The following PDE12 variants were observed in gnomAD, a reference collection of about 807,000 sequenced individuals.
PDE12 encodes the protein 2',5'-phosphodiesterase 12.
A neutral mutation model predicts 45.4 loss-of-function variants in PDE12; 26 were observed. That is an observed-to-expected ratio of 0.57 (90% CI 0.42 to 0.79). The LOEUF (loss-of-function observed/expected upper bound fraction) is 0.79. Among genes scored for constraint, PDE12 ranks in the 30% least tolerant of loss-of-function variants. The pLI is 0.00. For missense variants in PDE12, 668 were observed against 790.0 expected (o/e 0.85, Z 1.85); for synonymous variants, 283 against 323.9 (o/e 0.87, Z 1.36).
At position 57,560,861 on chromosome 3, in the gene PDE12, T is replaced by C. The variant is rs1434844789; in HGVS notation, c.*857T>C. On this transcript the variant is annotated 3_prime_UTR_variant, in exon 3 of 3. Coordinates refer to ENST00000311180, the MANE Select transcript of PDE12 (RefSeq NM_177966.7). ...AAGGAGTAACATTAGGGTCTACCTC[T>C]ACCTCAATTTAGTTAGCGATTTACT... The C allele has an allele frequency of 3.0e-6, 3 of 985,406 alleles. No homozygotes were observed. In the East Asian group the frequency reaches 3.4e-4, roughly 112 times the overall value. The allele number at this position is 985,406 out of a possible 1,614,324, so 61.0% of individuals were successfully genotyped here.
the PDE12 span, chr3:57,634,434 C>CA: frequency 9.9e-3 from 2,753 of 279,412 alleles, no homozygotes; most frequent in Non-Finnish European, 0.012. Flanking sequence ...CTCTGTCTCC[C>CA]AAAAAAAAAA....
the PDE12 span, among the ~76,000 whole-genome samples, chr3:57,620,159 T>C: frequency 6.6e-6 from 1 of 150,476 alleles, no homozygotes; most frequent in Non-Finnish European, 1.5e-5. Flanking sequence ...GAGATGGAGG[T>C]TGCAGTGAGC....
the PDE12 span, among the ~76,000 whole-genome samples, chr3:57,614,546 T>TTTG: frequency 2.1e-5 from 1 of 47,054 alleles, no homozygotes. Context: ...TGTTTTTTGT[T>TTTG]TTTTTTTTTT....
chr3:57,578,135 G>A, the PDE12 span, among the ~76,000 whole-genome samples: 4 of 152,098 alleles, frequency 2.6e-5, no homozygotes, highest in Admixed American at 6.6e-5. Flanking sequence ...TAAAAGGGGG[G>A]TGGGATAGCG....
At chr3:57,652,599 T>C in the PDE12 span, among the ~76,000 whole-genome samples, 1 of 152,206 alleles carries the variant, frequency 6.6e-6, no homozygotes, top group East Asian at 1.9e-4. Context: ...AAATAACATA[T>C]ATAGTTTCAA....
chr3:57,572,108 C>G, the PDE12 span: 1 of 843,770 alleles, frequency 1.2e-6, no homozygotes, highest in East Asian at 2.5e-5. Flanking sequence ...TCTGCCCAAA[C>G]CAGTCCCAGA....
chr3:57,632,788 T>G, the PDE12 span, among the ~76,000 whole-genome samples: 1 of 152,154 alleles, frequency 6.6e-6, no homozygotes, highest in Non-Finnish European at 1.5e-5. Context: ...AATATTTGAG[T>G]GCTACCATAT....
chr3:57,601,911 AT>A, the PDE12 span, among the ~76,000 whole-genome samples: 3,082 of 138,396 alleles, frequency 0.022, 41 homozygotes, highest in Non-Finnish European at 0.027. Context: ...CACCCGGCTA[AT>A]TTTTTTTTTT....
chr3:57,605,880 A>C, the PDE12 span, among the ~76,000 whole-genome samples: 66 of 152,326 alleles, frequency 4.3e-4, no homozygotes, highest in South Asian at 0.012. Flanking sequence ...AATTAACAGT[A>C]GATTAAACTA....
the PDE12 span, chr3:57,572,286 C>T: frequency 6.2e-7 from 1 of 1,613,346 alleles, no homozygotes; most frequent in Non-Finnish European, 8.5e-7. Context: ...GCACAAGTGG[C>T]TTGAACATAC....
chr3:57,646,508 C>T, the PDE12 span: 1 of 1,506,218 alleles, frequency 6.6e-7, no homozygotes, highest in South Asian at 1.3e-5. Flanking sequence ...CCTACATAAT[C>T]TTTCTAAAAA....
the PDE12 span, among the ~76,000 whole-genome samples, chr3:57,646,855 C>T: frequency 6.6e-6 from 1 of 151,998 alleles, no homozygotes; most frequent in African/African-American, 2.4e-5. Context: ...AACTTAAAAC[C>T]CAATACTTCT....
chr3:57,629,056 C>T, the PDE12 span, among the ~76,000 whole-genome samples: 2 of 152,162 alleles, frequency 1.3e-5, no homozygotes, highest in Non-Finnish European at 2.9e-5. Context: ...ATTCTAATAA[C>T]TGTTAGATAA....
chr3:57,557,938 A>G (rs930520312), intron 1 of PDE12, among the ~76,000 whole-genome samples: 1 of 152,198 alleles, frequency 6.6e-6, no homozygotes, highest in African/African-American at 2.4e-5. Flanking sequence ...AGTGCTTACA[A>G]TCTAGCGAGA....
the PDE12 span, among the ~76,000 whole-genome samples, chr3:57,572,662 T>TG: frequency 4.0e-5 from 6 of 149,530 alleles, no homozygotes; most frequent in African/African-American, 1.5e-4. Context: ...GGCGACAGAG[T>TG]GAGACTCCGT....
chr3:57,601,161 G>A, the PDE12 span, among the ~76,000 whole-genome samples: 2 of 151,978 alleles, frequency 1.3e-5, no homozygotes, highest in African/African-American at 4.8e-5. Flanking sequence ...CTAGGCTGGA[G>A]TGCAGTGGGG....
At chr3:57,602,437 C>G in the PDE12 span, among the ~76,000 whole-genome samples, 3 of 152,198 alleles carry the variant, frequency 2.0e-5, no homozygotes, top group Non-Finnish European at 4.4e-5. Context: ...CACCCACTTT[C>G]CCTTCCAGAA....
At chr3:57,616,392 GAGA>G in the PDE12 span, among the ~76,000 whole-genome samples, 34 of 144,288 alleles carry the variant, frequency 2.4e-4, 1 homozygote, top group Middle Eastern at 7.0e-3. Context: ...GGAGGAGAAG[GAGA>G]AGAAGAAGAG....
chr3:57,646,303 C>G, the PDE12 span: 1 of 1,599,322 alleles, frequency 6.3e-7, no homozygotes, highest in South Asian at 1.1e-5. Flanking sequence ...AAATAGTAAC[C>G]AAATAGACTC....
Sources: allele counts gnomAD v4.1 joint callset (sites outside exome capture counted in the v4.1 genomes callset), GRCh38; gene constraint gnomAD v4.1.1; transcripts MANE v1.5; gene names NCBI Gene and HGNC (gene_info 2026-07-23, HGNC 2026-07-21).